The following RECQL variants were observed in gnomAD, a reference collection of about 807,000 sequenced individuals.
The protein encoded by RECQL is ATP-dependent DNA helicase Q1.
Under a neutral mutation model 75.8 loss-of-function variants are expected in RECQL, and 73 were observed. The observed-to-expected ratio is 0.96, with a 90% CI of 0.80 to 1.17. The LOEUF is 1.17. RECQL is among the 50% of genes most tolerant of loss of function. RECQL has a pLI of 0.00. For synonymous variants in RECQL, 248 were observed against 254.4 expected, an observed-to-expected ratio of 0.97 and a Z score of 0.24; for missense variants, 699 against 772.1, an observed-to-expected ratio of 0.91 and a Z score of 1.12.
intron 1 of RECQL, among the ~76,000 whole-genome samples, chr12:21,500,387 T>G (rs1281909685): frequency 1.3e-5 from 2 of 152,166 alleles, no homozygotes; most frequent in Non-Finnish European, 2.9e-5. Context: ...AAAACACCTC[T>G]TCTATCTCTC....
At chr12:21,473,806 T>C (rs1472281629) in intron 11 of RECQL, among the ~76,000 whole-genome samples, 164 bp from the exon 12 acceptor site, 1 of 152,128 alleles carries the variant, frequency 6.6e-6, no homozygotes, top group Non-Finnish European at 1.5e-5. Flanking sequence ...ATTTCTGTGG[T>C]TTAGATTTAG....
intron 2 of RECQL, among the ~76,000 whole-genome samples, chr12:21,496,651 C>A (rs1212642534): frequency 6.6e-6 from 1 of 152,208 alleles, no homozygotes; most frequent in African/African-American, 2.4e-5. Context: ...CATAAAAATT[C>A]AGAGGCCTGA....
chr12:21,482,436 A>G (rs1351558831), intron 6 of RECQL, among the ~76,000 whole-genome samples: 1 of 152,182 alleles, frequency 6.6e-6, no homozygotes, highest in Admixed American at 6.5e-5. Context: ...AGGAGTTGAA[A>G]TAGGGACAAG....
chr12:21,476,708 G>A (rs907668840), intron 8 of RECQL, among the ~76,000 whole-genome samples: 4 of 152,014 alleles, frequency 2.6e-5, no homozygotes, highest in South Asian at 2.1e-4. Flanking sequence ...GCAATTTGAC[G>A]ACTCATAATC....
rs1220432820 is a variant in RECQL, at chr12:21,491,605, G to C, written c.128C>G (p.Thr43Arg). 1 of 1,611,260 alleles carries C rather than the reference G, an allele frequency of 6.2e-7. No homozygotes were observed. Among genetic ancestry groups the C allele is most frequent in the Admixed American group, 1.7e-5 (1 of 59,720 alleles). The change falls in exon 3 of 15, where the codon ACA (threonine) becomes AGA (arginine). Residue 43 changes from threonine to arginine, a missense_variant. By Grantham distance (71) the Thr-to-Arg change is moderately conservative. Around this residue, in one of 2 missense-constraint regions of RECQL, gnomAD observed 669 missense variants for 713.5 expected, o/e 0.94. Transcript: ENST00000444129. ...CTCTAAACACTGCTTTATTTTCTTT[G>C]TCAGGACTTTTTTTTTCTGAATAAG... ...QELIQKKKVL[T>R]KKIKQCLEDS...
chr12:21,488,614 G>A lies in RECQL; in HGVS notation c.394+1585C>T, dbSNP rs144281738. Among the ~76,000 whole-genome samples, 27 of 150,506 alleles carry A rather than the reference G, an allele frequency of 1.8e-4. No homozygotes were observed. In the East Asian group the frequency reaches 4.6e-3, roughly 26 times the overall value. On this transcript the variant is annotated intron_variant, in intron 4 of 14. Coordinates refer to ENST00000444129, the MANE Select transcript of RECQL (RefSeq NM_002907.4). Reference sequence around the variant, plus strand: ...CCTCTCCATTCCCAAGAGTTCTTTCGCCAATGTACCCCATTTCAGTGAAGA... The same window carrying A: ...CCTCTCCATTCCCAAGAGTTCTTTCACCAATGTACCCCATTTCAGTGAAGA...
intron 5 of RECQL, among the ~76,000 whole-genome samples, chr12:21,484,414 T>A (rs1943250997): frequency 6.6e-6 from 1 of 152,192 alleles, no homozygotes; most frequent in Non-Finnish European, 1.5e-5. Context: ...TTACTTTCTA[T>A]TACTATTATG....
intron 6 of RECQL, among the ~76,000 whole-genome samples, chr12:21,480,788 T>A (rs1295382636): frequency 1.3e-5 from 2 of 152,136 alleles, no homozygotes; most frequent in African/African-American, 4.8e-5. Flanking sequence ...ACCAGCTTTA[T>A]CACAGACGTA....
chr12:21,496,912 C>A (rs541508388), intron 2 of RECQL, among the ~76,000 whole-genome samples: 2 of 152,316 alleles, frequency 1.3e-5, no homozygotes, highest in Admixed American at 6.5e-5. Flanking sequence ...TATGACCCAA[C>A]AGATTTGATG....
chr12:21,499,168 AG>A (rs1943559701), intron 2 of RECQL, among the ~76,000 whole-genome samples: 1 of 152,214 alleles, frequency 6.6e-6, no homozygotes, highest in Admixed American at 6.5e-5. Context: ...TAGACACAAA[AG>A]GACAAATGTT....
At position 21,469,654 on chromosome 12, in the gene RECQL, A is replaced by AAAC. The variant is rs1269838145; in HGVS notation, c.*537_*539dup. Reference sequence around the variant, plus strand: ...TTCTCAAATATTTTACATTTTTTGTAAACTTTCTTAAAACATGAGATTTTT... The same window carrying AAAC: ...TTCTCAAATATTTTACATTTTTTGTAAACAACTTTCTTAAAACATGAGATTTTT... On this transcript the variant is annotated 3_prime_UTR_variant, in exon 15 of 15. Coordinates refer to ENST00000444129, the MANE Select transcript of RECQL (RefSeq NM_002907.4). 1 of 150,944 alleles carries AAAC rather than the reference A, an allele frequency of 6.6e-6. No homozygotes were observed. Among genetic ancestry groups the AAAC allele is most frequent in the Non-Finnish European group, 1.5e-5 (1 of 67,776 alleles). The allele number at this position is 150,944 out of a possible 1,614,324, so 9.4% of individuals were successfully genotyped here. A position where few individuals can be genotyped will look rare whatever the true frequency, so the allele number is the denominator to read the frequency against.
chr12:21,471,605 A>G lies in RECQL; in HGVS notation c.1490T>C (p.Ile497Thr), dbSNP rs1426432625. 6.2e-7 allele frequency: 1 copy of G among 1,612,826 alleles called. No homozygotes were observed. The highest frequency in any genetic ancestry group is 8.5e-7 in the Non-Finnish European group (1 of 1,179,206). ...KNITEYCRDLIKILKQAEELN... is the reference protein window; with the variant it reads ...KNITEYCRDLTKILKQAEELN... ...TTCCTCTGCCTGCTTCAGGATCTTG[A>G]TTAGATCTCTGCAGTACTCTGTTAT... Residue 497 changes from isoleucine (I) to threonine (T), a missense_variant, in exon 13 of 15, where the codon ATC becomes ACC. This residue lies in a region of RECQL where 669 missense variants were observed against 713.5 expected (regional missense o/e 0.94). Coordinates refer to ENST00000444129, the MANE Select transcript of RECQL (RefSeq NM_002907.4).
intron 6 of RECQL, among the ~76,000 whole-genome samples, chr12:21,478,261 C>T (rs146372788): frequency 2.4e-3 from 367 of 152,200 alleles, no homozygotes; most frequent in Non-Finnish European, 2.1e-3. Flanking sequence ...ACCCCTGCTA[C>T]CACCTAGTGT....
At chr12:21,489,174 G>C (rs1052398422) in intron 4 of RECQL, among the ~76,000 whole-genome samples, 2 of 152,144 alleles carry the variant, frequency 1.3e-5, no homozygotes, top group African/African-American at 4.8e-5. Context: ...CTCTAAACCA[G>C]GGATCAACAA....
At chr12:21,495,496 T>C (rs1262045690) in intron 2 of RECQL, among the ~76,000 whole-genome samples, 1 of 151,938 alleles carries the variant, frequency 6.6e-6, no homozygotes, top group African/African-American at 2.4e-5. Context: ...CTTGGGAGGC[T>C]GAGGCAGGAG....
At chr12:21,494,099 G>T (rs1277345449) in intron 2 of RECQL, among the ~76,000 whole-genome samples, 8 of 152,150 alleles carry the variant, frequency 5.3e-5, no homozygotes, top group Admixed American at 5.2e-4. Context: ...GAAGGCAAAG[G>T]GGGGCAGGTG....
Position 21,470,397 on chromosome 12 carries a change from A to C in RECQL, c.1798-51T>G, listed in dbSNP as rs769439005. ...CAAGCACCTTGGTAAAAATCCAGCT[A>C]TTCAGTTTTCTCATGAGATTAAATA... On this transcript the variant is annotated intron_variant, in intron 14 of 14. Coordinates refer to ENST00000444129, the MANE Select transcript of RECQL (RefSeq NM_002907.4). 3 of 1,484,638 alleles carry C rather than the reference A, an allele frequency of 2.0e-6. No individual in the cohort carries two copies. The African/African-American group carries it at 4.3e-5, about 21-fold the overall frequency. The allele number at this position is 1,484,638 out of a possible 1,614,324, so 92.0% of individuals were successfully genotyped here. A position where few individuals can be genotyped will look rare whatever the true frequency, so the allele number is the denominator to read the frequency against.
chr12:21,478,225 A>G (rs1046039289), intron 6 of RECQL, among the ~76,000 whole-genome samples: 1 of 152,170 alleles, frequency 6.6e-6, no homozygotes, highest in Admixed American at 6.5e-5. Context: ...TACAACTAAC[A>G]AAAGATAAAA....
Position 21,470,093 on chromosome 12 carries a change from AAT to A in RECQL, c.*99_*100del, listed in dbSNP as rs1942896945. 9.3e-7 allele frequency: 1 copy of A among 1,071,054 alleles called. No individual in the cohort carries two copies. Among genetic ancestry groups the A allele is most frequent in the African/African-American group, 1.6e-5 (1 of 62,098 alleles). 66.3% of individuals were successfully genotyped at this position (1,071,054 alleles called of 1,614,324 possible). ...TGAAAATATAGATCCATACATATAA[AAT>A]ATCTATGAAATTCTTTTAAAAACTA... On this transcript the variant is annotated 3_prime_UTR_variant, in exon 15 of 15. Coordinates refer to ENST00000444129, the MANE Select transcript of RECQL (RefSeq NM_002907.4).
Sources: allele counts gnomAD v4.1 joint callset (sites outside exome capture counted in the v4.1 genomes callset), GRCh38; gene constraint gnomAD v4.1.1; regional missense constraint gnomAD v4.1.1; transcripts MANE v1.5; gene names NCBI Gene and HGNC (gene_info 2026-07-23, HGNC 2026-07-21).